TMEM132B: variants seen among roughly 807,000 people sequenced by gnomAD.
The protein encoded by TMEM132B is transmembrane protein 132B.
TMEM132B carries 18 observed loss-of-function variants against 90.8 expected under a neutral mutation model. That is an observed-to-expected ratio of 0.20 (90% CI 0.14 to 0.29). The LOEUF (loss-of-function observed/expected upper bound fraction) is 0.29. Among genes scored for constraint, TMEM132B ranks in the 10% least tolerant of loss-of-function variants. The pLI is 1.00. For synonymous variants in TMEM132B, 504 were observed against 523.3 expected (o/e 0.96, Z 0.50); for missense variants, 1,096 against 1,326.8 (o/e 0.83, Z 2.70).
At chr12:125,237,784 G>C (rs1254776438) in intron 1 of TMEM132B, among the ~76,000 whole-genome samples, 2 of 152,202 alleles carry the variant, frequency 1.3e-5, no homozygotes, top group East Asian at 3.8e-4. Context: ...TGCCTCCTGG[G>C]TGGTGAACTT....
At chr12:125,598,622 G>GAA (rs1461490583) in intron 5 of TMEM132B, among the ~76,000 whole-genome samples, 3 of 152,176 alleles carry the variant, frequency 2.0e-5, no homozygotes, top group African/African-American at 7.2e-5. Context: ...AGGTGCCAAT[G>GAA]AAAACTAATG....
intron 3 of TMEM132B, among the ~76,000 whole-genome samples, chr12:125,475,769 A>C (rs899475036): frequency 1.1e-4 from 17 of 152,160 alleles, no homozygotes; most frequent in Non-Finnish European, 2.1e-4. Context: ...TATCTATCCT[A>C]TTAGTTCCCC....
chr12:125,493,103 C>T (rs578255856), intron 3 of TMEM132B, among the ~76,000 whole-genome samples: 2 of 152,162 alleles, frequency 1.3e-5, no homozygotes, highest in South Asian at 2.1e-4. Flanking sequence ...AGTGGCCTGG[C>T]GCTCCACACC....
At chr12:125,450,566 T>C (rs902009749) in intron 3 of TMEM132B, among the ~76,000 whole-genome samples, 1 of 152,124 alleles carries the variant, frequency 6.6e-6, no homozygotes, top group African/African-American at 2.4e-5. Flanking sequence ...CCCAATTAAA[T>C]ATGGAGGGAA....
intron 1 of TMEM132B, among the ~76,000 whole-genome samples, chr12:125,257,746 A>G (rs1472359401): frequency 6.6e-6 from 1 of 152,152 alleles, no homozygotes; most frequent in African/African-American, 2.4e-5. Context: ...GCAGATAGAG[A>G]TTTGACACAG....
intron 5 of TMEM132B, among the ~76,000 whole-genome samples, chr12:125,635,842 C>T (rs1276187754): frequency 4.6e-5 from 7 of 152,178 alleles, no homozygotes; most frequent in Admixed American, 4.6e-4. Flanking sequence ...GTTAGAATGG[C>T]GATCGTTAAA....
rs879868953 is a variant in TMEM132B at position 125,295,523 on chromosome 12, A to T, written c.68-53929A>T. Among the ~76,000 whole-genome samples the T allele has an allele frequency of 5.4e-3, 733 of 134,554 alleles. 3 individuals carry two copies. The highest frequency in any genetic ancestry group is 9.6e-3 in the Admixed American group (135 of 14,050). 88.3% of individuals were successfully genotyped at this position (134,554 alleles called of 152,430 possible). On this transcript the variant is annotated intron_variant, in intron 1 of 8. Transcript: ENST00000682704. ...ACCTGTGTGTGTGTGTGTGAGAGAGAGAGAGAGAGAGAGAGAGAGACAGAG... is the reference window on the plus strand; with the variant it reads ...ACCTGTGTGTGTGTGTGTGAGAGAGTGAGAGAGAGAGAGAGAGAGACAGAG...
intron 1 of TMEM132B, among the ~76,000 whole-genome samples, chr12:125,216,750 G>T (rs750777614): frequency 2.6e-5 from 4 of 152,214 alleles, no homozygotes; most frequent in African/African-American, 4.8e-5. Flanking sequence ...GAGCTGGAAT[G>T]GTTGGGGAGT....
chr12:125,312,421 G>A (rs748640411), intron 1 of TMEM132B, among the ~76,000 whole-genome samples: 7 of 152,226 alleles, frequency 4.6e-5, no homozygotes, highest in South Asian at 4.1e-4. Context: ...GGGCTCAGCC[G>A]TTTCTTCAAG....
intron 2 of TMEM132B, among the ~76,000 whole-genome samples, chr12:125,382,409 G>C (rs1414527003): frequency 6.6e-6 from 1 of 152,176 alleles, no homozygotes. Context: ...TTTGGTGTAA[G>C]AACACAAAGA....
intron 3 of TMEM132B, among the ~76,000 whole-genome samples, chr12:125,488,117 A>G (rs941149030): frequency 1.3e-5 from 2 of 152,244 alleles, no homozygotes; most frequent in African/African-American, 2.4e-5. Context: ...CAGTAGAAAT[A>G]GAAGGAAACT....
chr12:125,411,165 T>C (rs1593131356), intron 2 of TMEM132B, among the ~76,000 whole-genome samples: 1 of 48,572 alleles, frequency 2.1e-5, no homozygotes, highest in African/African-American at 8.8e-5. Flanking sequence ...AGGAGTGGAG[T>C]GGAGTGGAGT....
At chr12:125,432,366 A>AATATATAT (rs749081900) in intron 3 of TMEM132B, among the ~76,000 whole-genome samples, 188 of 11,916 alleles carry the variant, frequency 0.016, 64 homozygotes, top group South Asian at 0.037. Context: ...GAATTCCTTG[A>AATATATAT]ATATATATAT....
At chr12:125,516,949 T>A (rs1883175763) in intron 3 of TMEM132B, among the ~76,000 whole-genome samples, 1 of 152,194 alleles carries the variant, frequency 6.6e-6, no homozygotes, top group Non-Finnish European at 1.5e-5. Flanking sequence ...GAAATTAGGC[T>A]GGAATATGGT....
chr12:125,604,655 T>G (rs1885649957), intron 5 of TMEM132B, among the ~76,000 whole-genome samples: 1 of 152,218 alleles, frequency 6.6e-6, no homozygotes, highest in Non-Finnish European at 1.5e-5. Context: ...TTGAACATGT[T>G]TCCACAAGGT....
intron 5 of TMEM132B, among the ~76,000 whole-genome samples, chr12:125,628,759 T>C (rs2136989076): frequency 6.6e-6 from 1 of 152,346 alleles, no homozygotes; most frequent in Middle Eastern, 3.4e-3. Flanking sequence ...TAATGTTTTC[T>C]TGCAGTAGTT....
In TMEM132B at chr12:125,654,306, T is replaced by G; in HGVS notation, c.2848T>G (p.Trp950Gly). The change falls in exon 9 of 9, where the codon TGG becomes GGG. Residue 950 changes from tryptophan to glycine, a missense_variant. Trp to Gly is a radical substitution (Grantham distance 184). Transcript: ENST00000682704. This position sits in a 1 kb window ranked among gnomAD's most constrained non-coding sequence, Gnocchi z 5.8. ...GGGCAACATCCCCCATTCCCACGAC[T>G]GGGTCTGGCTTGGGAATGAAGTGGA... ...EQGNIPHSHDWVWLGNEVELL... is the reference protein window; with the variant it reads ...EQGNIPHSHDGVWLGNEVELL... 1 of 1,613,328 alleles carries G rather than the reference T, an allele frequency of 6.2e-7. No homozygotes were observed. Among genetic ancestry groups the G allele is most frequent in the Non-Finnish European group, 8.5e-7 (1 of 1,180,036 alleles).
At chr12:125,363,531 G>GT in intron 2 of TMEM132B, among the ~76,000 whole-genome samples, 1 of 152,254 alleles carries the variant, frequency 6.6e-6, no homozygotes, top group Admixed American at 6.5e-5. Flanking sequence ...GCCTAGTAGT[G>GT]TTTTTTGGGC....
chr12:125,570,383 A>T (rs1258810727), intron 4 of TMEM132B, among the ~76,000 whole-genome samples: 1 of 152,140 alleles, frequency 6.6e-6, no homozygotes, highest in African/African-American at 2.4e-5. Context: ...AGCAGCACTT[A>T]CCACCTCACT....
Sources: gnomAD v4.1 joint callset for allele counts (sites outside exome capture counted in the v4.1 genomes callset) on GRCh38, gnomAD v4.1.1 for gene constraint, Gnocchi (gnomAD v3.1) non-coding constraint, MANE v1.5 for transcripts, NCBI Gene and HGNC (gene_info 2026-07-23, HGNC 2026-07-21) for gene names.